The following CSNK1D variants were observed in gnomAD, a reference collection of about 807,000 sequenced individuals.
The protein encoded by CSNK1D is casein kinase I isoform delta.
In CSNK1D, 16 loss-of-function variants were observed where a neutral mutation model predicts 46.6. That is an observed-to-expected ratio of 0.34 (90% CI 0.23 to 0.52). The LOEUF is 0.52. CSNK1D is among the 20% of genes least tolerant of loss of function. CSNK1D has a pLI of 0.95. For synonymous variants in CSNK1D, 276 were observed against 228.2 expected, an observed-to-expected ratio of 1.21 and a Z score of -1.89; for missense variants, 398 against 578.4, an observed-to-expected ratio of 0.69 and a Z score of 3.20.
Position 82,242,790 on chromosome 17 carries a change from A to G in CSNK1D, c.*1991T>C, listed in dbSNP as rs2050760542. The G allele has an allele frequency of 1.0e-6, 1 of 985,068 alleles. No individual in the cohort carries two copies. The highest frequency in any genetic ancestry group is 1.2e-6 in the Non-Finnish European group (1 of 829,708). The allele number at this position is 985,068 out of a possible 1,614,324, so 61.0% of individuals were successfully genotyped here. ...GCACAGCTGACACGACGTCCTACCT[A>G]CGTCTCCTGCACGGGGCGACGGGGA... On this transcript the variant is annotated 3_prime_UTR_variant, in exon 9 of 9. Transcript: ENST00000314028.
downstream of CSNK1D, chr17:82,239,028 G>T (rs914265273): frequency 4.8e-6 from 7 of 1,473,306 alleles, no homozygotes; most frequent in Non-Finnish European, 6.3e-6. Context: ...AGCCGGCAAC[G>T]CTTGCTATTT....
Position 82,248,896 on chromosome 17 carries a change from G to C in CSNK1D, c.1176C>G (p.Thr392=), listed in dbSNP as rs1354131835. ...SSSDLTGRQD[T]SRMSTSQIPG... ...CTACCTGTGAGGTGGACATGCGAGA[G>C]GTATCTTGTCGGCCTGTGAGGTCGG... The change falls in exon 8 of 9, where the codon ACC becomes ACG. Residue 392 remains threonine (T), a synonymous_variant. Coordinates refer to ENST00000314028, the MANE Select transcript of CSNK1D (RefSeq NM_001893.6). This position sits in a 1 kb window ranked among gnomAD's most constrained non-coding sequence, Gnocchi z 4.1. The C allele has an allele frequency of 6.2e-7, 1 of 1,610,534 alleles. No homozygotes were observed. The highest frequency in any genetic ancestry group is 8.5e-7 in the Non-Finnish European group (1 of 1,178,310).
intron 8 of CSNK1D, chr17:82,245,420 C>T (rs2050825996): frequency 4.7e-6 from 1 of 213,446 alleles, no homozygotes; most frequent in Non-Finnish European, 9.6e-6. Context: ...GACGGCTGGG[C>T]AGAGACCAAG....
Position 82,251,321 on chromosome 17 carries a change from A to T in CSNK1D, c.885+58T>A. Reference sequence around the variant, plus strand: ...TCAACAAGACGGCCGCCGGCCTCTCACTGACAAGCCATCCCCCGCACACCA... The same window carrying T: ...TCAACAAGACGGCCGCCGGCCTCTCTCTGACAAGCCATCCCCCGCACACCA... On this transcript the variant is annotated intron_variant, in intron 6 of 8. Transcript: ENST00000314028. The surrounding 1 kb of genome is among the most constrained non-coding windows in gnomAD (Gnocchi z 4.5). 6.2e-7 allele frequency: 1 copy of T among 1,608,102 alleles called. No individual in the cohort carries two copies. Among genetic ancestry groups the T allele is most frequent in the Middle Eastern group, 1.7e-4 (1 of 5,914 alleles).
intron 8 of CSNK1D, chr17:82,247,238 C>T (rs950574278): frequency 1.0e-5 from 10 of 985,288 alleles, no homozygotes; most frequent in Non-Finnish European, 1.2e-5. Flanking sequence ...GAGCCAGCTG[C>T]GGGTTCCTGC....
At chr17:82,247,045 G>C (rs1419292654) in intron 8 of CSNK1D, 31 of 985,336 alleles carry the variant, frequency 3.1e-5, no homozygotes, top group Non-Finnish European at 3.6e-5. Context: ...CAAAGGAGGG[G>C]GCCCGCCCTG....
At chr17:82,271,469 T>C (rs1230340184) in intron 1 of CSNK1D, among the ~76,000 whole-genome samples, 1 of 152,214 alleles carries the variant, frequency 6.6e-6, no homozygotes, top group Non-Finnish European at 1.5e-5. Context: ...AAATCCATTG[T>C]TCTATAAATA....
intron 1 of CSNK1D, among the ~76,000 whole-genome samples, chr17:82,269,987 C>T (rs990639822): frequency 6.6e-5 from 10 of 152,230 alleles, no homozygotes; most frequent in African/African-American, 1.2e-4. Flanking sequence ...GACACGGATG[C>T]GGAGGGCGGC....
chr17:82,244,487 G>A lies in CSNK1D; in HGVS notation c.*294C>T. The A allele has an allele frequency of 7.2e-7, 1 of 1,393,202 alleles. No individual in the cohort carries two copies. The highest frequency in any genetic ancestry group is 2.8e-5 in the East Asian group (1 of 35,310). The allele number at this position is 1,393,202 out of a possible 1,614,324, so 86.3% of individuals were successfully genotyped here. ...TACAGGGCGGCCACCACTGGAGGGA[G>A]CTGAGGCCCTGGAAAAGGAGTCTGA... On this transcript the variant is annotated 3_prime_UTR_variant, in exon 9 of 9. Transcript: ENST00000314028.
chr17:82,239,137 C>T (rs951211897), downstream of CSNK1D: 24 of 661,202 alleles, frequency 3.6e-5, no homozygotes, highest in Admixed American at 6.8e-5. Context: ...GGGAAGGTGG[C>T]GGGGTGGGAA....
In CSNK1D at chr17:82,252,835, G is replaced by A. The variant is rs1028683006; in HGVS notation, c.565+181C>T. ...TCCCAAACACATCACAGGTGACTCA[G>A]AAATGTCCCAGCATCCGCCTGCCCC... On this transcript the variant is annotated intron_variant, in intron 4 of 8. Transcript: ENST00000314028. The surrounding 1 kb of genome is among the most constrained non-coding windows in gnomAD (Gnocchi z 4.6). Among the ~76,000 whole-genome samples the A allele has an allele frequency of 1.3e-5, 2 of 152,192 alleles. No homozygotes were observed. The highest frequency in any genetic ancestry group is 4.8e-5 in the African/African-American group (2 of 41,438).
chr17:82,265,817 A>G lies in CSNK1D; in HGVS notation c.77-21T>C, dbSNP rs373804702. On this transcript the variant is annotated intron_variant, in intron 1 of 8. Coordinates refer to ENST00000314028, the MANE Select transcript of CSNK1D (RefSeq NM_001893.6). ...CGTACCTTGGCAAAGAAAGAAAACCACAACAGGAATTACCTGGTATCCACC... is the reference window on the plus strand; with the variant it reads ...CGTACCTTGGCAAAGAAAGAAAACCGCAACAGGAATTACCTGGTATCCACC... The G allele has an allele frequency of 4.5e-4, 711 of 1,584,896 alleles. 5 individuals are homozygous for G. In the South Asian group the frequency reaches 5.0e-3, roughly 11 times the overall value.
chr17:82,239,881 C>T (rs746517344), downstream of CSNK1D: 56 of 700,528 alleles, frequency 8.0e-5, no homozygotes, highest in Non-Finnish European at 9.4e-5. Context: ...CCCGGCCCAG[C>T]GCTTGGGCTT....
Position 82,273,660 on chromosome 17 carries a change from C to G in CSNK1D, c.-279G>C. 2 of 538,518 alleles carry G rather than the reference C, an allele frequency of 3.7e-6. No homozygotes were observed. Among genetic ancestry groups the G allele is most frequent in the Non-Finnish European group, 6.5e-6 (2 of 307,522 alleles). 33.4% of individuals were successfully genotyped at this position (538,518 alleles called of 1,614,324 possible). On this transcript the variant is annotated 5_prime_UTR_variant, in exon 1 of 9. Coordinates refer to ENST00000314028, the MANE Select transcript of CSNK1D (RefSeq NM_001893.6). This position sits in a 1 kb window ranked among gnomAD's most constrained non-coding sequence, Gnocchi z 5.1. ...GGACTCGGATCTTCCGGGCCTAAAT[C>G]CCCTTTCAGCTGCCTAAAGGAGCCG...
chr17:82,239,127 G>C (rs2050698768), downstream of CSNK1D: 1 of 731,866 alleles, frequency 1.4e-6, no homozygotes. Context: ...TGTTTTGAGG[G>C]GGAAGGTGGC....
At position 82,246,978 on chromosome 17, in the gene CSNK1D, T is replaced by TGCTGGC. The variant is rs915870460; in HGVS notation, c.1197+1891_1197+1896dup. ...TGCTCACAGCCACCACGTGTGCTGGTGCTGGCAGAGTCTGGCAGGAAGGAC... is the reference window on the plus strand; with the variant it reads ...TGCTCACAGCCACCACGTGTGCTGGTGCTGGCGCTGGCAGAGTCTGGCAGGAAGGAC... On this transcript the variant is annotated intron_variant, in intron 8 of 8. Transcript: ENST00000314028. 4.1e-6 allele frequency: 4 copies of TGCTGGC among 985,446 alleles called. No homozygotes were observed. The African/African-American group carries it at 7.0e-5, about 17-fold the overall frequency. 61.0% of individuals were successfully genotyped at this position (985,446 alleles called of 1,614,324 possible). A position where few individuals can be genotyped will look rare whatever the true frequency, so the allele number is the denominator to read the frequency against.
intron 2 of CSNK1D, among the ~76,000 whole-genome samples, chr17:82,263,648 C>G (rs1293436735): frequency 2.0e-5 from 3 of 152,266 alleles, no homozygotes; most frequent in Non-Finnish European, 4.4e-5. Flanking sequence ...CTTCTAAGGA[C>G]TGGCTTTCTT....
chr17:82,244,443 C>A lies in CSNK1D; in HGVS notation c.*338G>T. ...TAACCAAGTAGAAGATTGGTAGTTA[C>A]AGTGGAATCGTCAGGGAGTACAGGG... On this transcript the variant is annotated 3_prime_UTR_variant, in exon 9 of 9. Transcript: ENST00000314028. 7.7e-7 allele frequency: 1 copy of A among 1,298,810 alleles called. No homozygotes were observed. The highest frequency in any genetic ancestry group is 3.5e-5 in the East Asian group (1 of 28,838). 80.5% of individuals were successfully genotyped at this position (1,298,810 alleles called of 1,614,324 possible).
chr17:82,246,322 C>G (rs2050849049), intron 8 of CSNK1D: 22 of 1,336,936 alleles, frequency 1.6e-5, no homozygotes, highest in Non-Finnish European at 2.1e-5. Flanking sequence ...AAAACCTGAT[C>G]CCAGCAGGAT....
Sources: allele counts gnomAD v4.1 joint callset (sites outside exome capture counted in the v4.1 genomes callset), GRCh38; gene constraint gnomAD v4.1.1; non-coding constraint Gnocchi (gnomAD v3.1); transcripts MANE v1.5; gene names NCBI Gene and HGNC (gene_info 2026-07-23, HGNC 2026-07-21).